The following GRID1 variants were observed in gnomAD, a reference collection of about 807,000 sequenced individuals.
The protein encoded by GRID1 is glutamate receptor ionotropic, delta-1.
Under a neutral mutation model 98.0 loss-of-function variants are expected in GRID1, and 28 were observed. The observed-to-expected ratio is 0.29, with a 90% confidence interval of 0.21 to 0.39. The LOEUF (loss-of-function observed/expected upper bound fraction) is 0.39, where lower values mean the gene tolerates loss of function less well. Ranked by LOEUF, GRID1 falls within the 10% of genes least tolerant of loss-of-function variation. The probability of loss-of-function intolerance (pLI) is 1.00; values close to 1 mark genes in which losing one functional copy is unlikely to be tolerated. For synonymous variants in GRID1, 553 were observed against 538.5 expected (o/e 1.03, Z -0.37); for missense variants, 1,111 against 1,340.5 (o/e 0.83, Z 2.67).
At chr10:86,309,069 T>C (rs1289953635) in intron 2 of GRID1, among the ~76,000 whole-genome samples, 1 of 152,236 alleles carries the variant, frequency 6.6e-6, no homozygotes, top group Non-Finnish European at 1.5e-5. Flanking sequence ...ATACTCTATG[T>C]CAGTAGGAAG....
rs551708263 is a variant in GRID1, at chr10:85,884,641, A to G, written c.781-15461T>C. Among the ~76,000 whole-genome samples the G allele has an allele frequency of 1.7e-4, 26 of 152,306 alleles. 2 individuals carry two copies. Among genetic ancestry groups the G allele is most frequent in the African/African-American group, 5.8e-4 (24 of 41,578 alleles). On this transcript the variant is annotated intron_variant, in intron 5 of 15. Transcript: ENST00000327946. ...AATTTCTGTTACTTCCTCTCCTACA[A>G]TCTAATAGGTTCCACCCATAAATCC...
At chr10:86,247,012 C>G (rs1846740057) in intron 2 of GRID1, among the ~76,000 whole-genome samples, 1 of 152,256 alleles carries the variant, frequency 6.6e-6, no homozygotes, top group East Asian at 1.9e-4. Context: ...AGCCTCATCT[C>G]TTTTTGGGTC....
intron 4 of GRID1, among the ~76,000 whole-genome samples, chr10:86,064,745 C>T (rs1419094880): frequency 6.6e-6 from 1 of 152,214 alleles, no homozygotes. Flanking sequence ...CCTCACACTT[C>T]CCCACTCAGA....
At chr10:86,155,926 T>G (rs1375858688) in intron 3 of GRID1, among the ~76,000 whole-genome samples, 3 of 152,094 alleles carry the variant, frequency 2.0e-5, no homozygotes, top group Admixed American at 6.6e-5. Context: ...GTGCAAGGCA[T>G]CAAGGGTGAC....
At chr10:85,971,866 T>C (rs1366215781) in intron 4 of GRID1, among the ~76,000 whole-genome samples, 2 of 152,110 alleles carry the variant, frequency 1.3e-5, no homozygotes, top group Non-Finnish European at 2.9e-5. Context: ...AGTGGGTGCA[T>C]ATGCCCACCA....
chr10:85,878,829 T>C (rs907730455), intron 5 of GRID1, among the ~76,000 whole-genome samples: 5 of 151,784 alleles, frequency 3.3e-5, no homozygotes, highest in African/African-American at 4.8e-5. Flanking sequence ...GACTGGCAAA[T>C]TGGATAAAGA....
chr10:86,201,372 T>G lies in GRID1; in HGVS notation c.520+4992A>C, dbSNP rs554984981. Among the ~76,000 whole-genome samples the G allele has an allele frequency of 2.6e-5, 4 of 152,288 alleles. No homozygotes were observed. The East Asian group carries it at 7.7e-4, about 29-fold the overall frequency. On this transcript the variant is annotated intron_variant, in intron 3 of 15. Coordinates refer to ENST00000327946, the MANE Select transcript of GRID1 (RefSeq NM_017551.3). Reference sequence around the variant, plus strand: ...AACCATGGGTCCCATACTTGTATGATAAAACTATCAAGGAATGGAGCTGCA... The same window carrying G: ...AACCATGGGTCCCATACTTGTATGAGAAAACTATCAAGGAATGGAGCTGCA...
chr10:85,717,403 T>G (rs1210648890), intron 12 of GRID1, among the ~76,000 whole-genome samples: 6 of 151,992 alleles, frequency 3.9e-5, no homozygotes, highest in South Asian at 2.1e-4. Flanking sequence ...AAAAGGCTCT[T>G]CTTACATGGC....
intron 4 of GRID1, among the ~76,000 whole-genome samples, chr10:86,057,153 G>A (rs1231775113): frequency 6.6e-6 from 1 of 152,188 alleles, no homozygotes; most frequent in African/African-American, 2.4e-5. Context: ...CCACAGAGAG[G>A]GCAACTAATC....
At chr10:85,806,790 A>G (rs977866693) in intron 8 of GRID1, among the ~76,000 whole-genome samples, 11 of 152,216 alleles carry the variant, frequency 7.2e-5, no homozygotes, top group South Asian at 2.1e-4. Context: ...GGGGGCATTC[A>G]ATTCAAAAGG....
In GRID1 at chr10:85,662,751, C is replaced by T. The variant is rs115584160; in HGVS notation, c.1998-15354G>A. On this transcript the variant is annotated intron_variant, in intron 12 of 15. Coordinates refer to ENST00000327946, the MANE Select transcript of GRID1 (RefSeq NM_017551.3). ...GTGTCGTAGGAAGCACCATATCCAC[C>T]ATGCCGCCATGAAAAGGTTCTCTGT... 9.3e-3 allele frequency among the ~76,000 whole-genome samples: 1,409 copies of T among 152,276 alleles called. 18 individuals are homozygous for T. Among genetic ancestry groups the T allele is most frequent in the Middle Eastern group, 0.037 (11 of 294 alleles).
rs60471050 is a variant in GRID1 at position 86,214,864 on chromosome 10, G to A, written c.236-8216C>T. The stretch of plus-strand genomic sequence containing the variant: ...ATCCTGGGCTACAAAGCAAGACTCC[G>A]TATCAAAAAAAGAAAAGAATCCTCC... On this transcript the variant is annotated intron_variant, in intron 2 of 15. Transcript: ENST00000327946. 4.5e-3 allele frequency among the ~76,000 whole-genome samples: 687 copies of A among 152,206 alleles called. 6 individuals are homozygous for A. Among genetic ancestry groups the A allele is most frequent in the African/African-American group, 0.015 (629 of 41,542 alleles).
intron 2 of GRID1, among the ~76,000 whole-genome samples, chr10:86,308,978 C>A (rs544777896): frequency 2.6e-5 from 4 of 152,078 alleles, no homozygotes; most frequent in Admixed American, 2.6e-4. Flanking sequence ...TTTCAACATG[C>A]GTTTTGGAGA....
intron 8 of GRID1, among the ~76,000 whole-genome samples, chr10:85,839,743 C>G (rs1331598152): frequency 6.6e-6 from 1 of 151,892 alleles, no homozygotes; most frequent in Non-Finnish European, 1.5e-5. Context: ...GATCTCAAAG[C>G]TAGCAGAAGG....
chr10:86,207,566 A>T (rs1846045809), intron 2 of GRID1, among the ~76,000 whole-genome samples: 1 of 151,830 alleles, frequency 6.6e-6, no homozygotes, highest in Non-Finnish European at 1.5e-5. Flanking sequence ...CCAGTTTTGA[A>T]GCAAACATCT....
At chr10:86,259,925 T>G (rs1045470421) in intron 2 of GRID1, among the ~76,000 whole-genome samples, 1 of 152,248 alleles carries the variant, frequency 6.6e-6, no homozygotes, top group Non-Finnish European at 1.5e-5. Context: ...TCACTAGGAT[T>G]TCTCACTGGG....
intron 8 of GRID1, among the ~76,000 whole-genome samples, chr10:85,795,093 G>A (rs983051162): frequency 6.6e-6 from 1 of 152,168 alleles, no homozygotes; most frequent in African/African-American, 2.4e-5. Context: ...CTTGAATATA[G>A]GTAGATGGAT....
intron 2 of GRID1, among the ~76,000 whole-genome samples, chr10:86,245,635 C>A (rs186232879): frequency 6.6e-6 from 1 of 152,260 alleles, no homozygotes; most frequent in Non-Finnish European, 1.5e-5. Context: ...CCCAAAGGAA[C>A]TGCCTGTGAC....
At position 85,613,792 on chromosome 10, in the gene GRID1, C is replaced by T. The variant is rs1456501204; in HGVS notation, c.2361-145G>A. ...CTTTCTGCCTTAGCTCTTCTCTTCC[C>T]AGTCTACTCTCCACACTGCAGGTAA... On this transcript the variant is annotated intron_variant, in intron 14 of 15. Coordinates refer to ENST00000327946, the MANE Select transcript of GRID1 (RefSeq NM_017551.3). The T allele has an allele frequency of 8.3e-6, 8 of 969,130 alleles. No homozygotes were observed. The East Asian group carries it at 2.0e-4, about 24-fold the overall frequency. 60.0% of individuals were successfully genotyped at this position (969,130 alleles called of 1,614,324 possible).
Sources: gnomAD v4.1 joint callset for allele counts (sites outside exome capture counted in the v4.1 genomes callset) on GRCh38, gnomAD v4.1.1 for gene constraint, MANE v1.5 for transcripts, NCBI Gene and HGNC (gene_info 2026-07-23, HGNC 2026-07-21) for gene names.